Variants in KCNMA1 observed in about 807,000 individuals in gnomAD.
KCNMA1 encodes potassium calcium-activated channel subfamily M alpha 1.
A neutral mutation model predicts 140.0 loss-of-function variants in KCNMA1; 29 were observed. The observed-to-expected ratio is 0.21, with a 90% CI of 0.15 to 0.28. The LOEUF (loss-of-function observed/expected upper bound fraction) is 0.28. KCNMA1 is among the 10% of genes least tolerant of loss of function. The pLI, the probability that KCNMA1 is intolerant of heterozygous loss-of-function variation, is 1.00. For missense variants in KCNMA1, 880 were observed against 1,602.2 expected (o/e 0.55, Z 7.70); for synonymous variants, 612 against 611.9 (o/e 1.00, Z 0.00).
At chr10:77,417,742 G>A (rs994988669) in intron 1 of KCNMA1, among the ~76,000 whole-genome samples, 8 of 152,200 alleles carry the variant, frequency 5.3e-5, no homozygotes, top group Non-Finnish European at 7.3e-5. Context: ...TCTTCCATTT[G>A]CTGAACTTGG....
chr10:77,249,356 G>A (rs2059258474), intron 3 of KCNMA1: 1 of 152,092 alleles, frequency 6.6e-6, no homozygotes, highest in Admixed American at 6.6e-5. Flanking sequence ...TTCTCACACG[G>A]AAACAGAGAA....
chr10:77,352,854 C>T (rs2093058561), intron 2 of KCNMA1, among the ~76,000 whole-genome samples: 1 of 152,182 alleles, frequency 6.6e-6, no homozygotes, highest in Non-Finnish European at 1.5e-5. Flanking sequence ...AGAGAAGCAA[C>T]AAAAGTACAG....
intron 3 of KCNMA1, among the ~76,000 whole-genome samples, chr10:77,230,794 G>A (rs1411849523): frequency 6.6e-6 from 1 of 152,102 alleles, no homozygotes; most frequent in Non-Finnish European, 1.5e-5. Context: ...CCACTCCAGG[G>A]AAAATGGCTT....
chr10:76,956,465 T>C (rs916724413), intron 20 of KCNMA1, among the ~76,000 whole-genome samples: 53 of 152,268 alleles, frequency 3.5e-4, no homozygotes, highest in Middle Eastern at 6.8e-3. Context: ...CCCAAGAGAC[T>C]GACCTGAGGA....
In KCNMA1 at chr10:77,028,445, G is replaced by A. The variant is rs544394838; in HGVS notation, c.1860-554C>T. ...CTCACCTCATCTGCTTGGTGCTCTC[G>A]ACTGCAGAGCAGACTGCTTTGAGGC... On this transcript the variant is annotated intron_variant, in intron 15 of 27. Transcript: ENST00000286628. 2.6e-5 allele frequency among the ~76,000 whole-genome samples: 4 copies of A among 152,050 alleles called. No individual in the cohort carries two copies. In the East Asian group the frequency reaches 7.8e-4, roughly 30 times the overall value.
At chr10:77,346,073 G>A (rs905853464) in intron 2 of KCNMA1, among the ~76,000 whole-genome samples, 5 of 152,166 alleles carry the variant, frequency 3.3e-5, no homozygotes, top group African/African-American at 4.8e-5. Flanking sequence ...CATGGTAAAC[G>A]TTGCTTTAAT....
chr10:77,213,305 C>T (rs887655493), intron 3 of KCNMA1, among the ~76,000 whole-genome samples: 11 of 152,146 alleles, frequency 7.2e-5, no homozygotes, highest in African/African-American at 2.7e-4. Flanking sequence ...GCTTATCATC[C>T]TTATCCCCCT....
At chr10:77,306,371 A>G (rs2077727389) in intron 2 of KCNMA1, among the ~76,000 whole-genome samples, 1 of 152,226 alleles carries the variant, frequency 6.6e-6, no homozygotes, top group Non-Finnish European at 1.5e-5. Flanking sequence ...GGTAGGGGTG[A>G]TGCCCAAGAA....
At chr10:76,922,056 G>A (rs2056036090) in intron 23 of KCNMA1, among the ~76,000 whole-genome samples, 1 of 152,156 alleles carries the variant, frequency 6.6e-6, no homozygotes, top group Non-Finnish European at 1.5e-5. Flanking sequence ...GGGAAGCGGG[G>A]AAATGCCCCT....
chr10:76,889,378 A>C lies in KCNMA1; in HGVS notation c.3461+73T>G. The C allele has an allele frequency of 4.0e-6, 4 of 1,005,262 alleles. No individual in the cohort carries two copies. In the South Asian group the frequency reaches 5.1e-5, roughly 13 times the overall value. 62.3% of individuals were successfully genotyped at this position (1,005,262 alleles called of 1,614,324 possible). On this transcript the variant is annotated intron_variant, in intron 27 of 27. Coordinates refer to ENST00000286628, the MANE Select transcript of KCNMA1 (RefSeq NM_001161352.2). ...GAGATGTATACAGACCTTTGCCTTT[A>C]CAGTAGGGGACAGGAAAGGATATTA...
chr10:77,499,574 G>A (rs1419641059), intron 1 of KCNMA1, among the ~76,000 whole-genome samples: 4 of 152,010 alleles, frequency 2.6e-5, no homozygotes, highest in Non-Finnish European at 5.9e-5. Flanking sequence ...GCTGATATCT[G>A]ATGTCTCCTC....
chr10:77,215,878 GTCTCTCTCTCTCTCCTCTCTCCTCTCTCC>G (rs1204138885), intron 3 of KCNMA1, among the ~76,000 whole-genome samples: 1 of 146,112 alleles, frequency 6.8e-6, no homozygotes, highest in Middle Eastern at 3.4e-3. Flanking sequence ...CCCCCCACCT[GTCTCTCTCTCTCTCCTCTCTCCTCTCTCC>G]TCTCTCTCTC....
At chr10:77,035,615 A>G (rs1478940418) in intron 15 of KCNMA1, among the ~76,000 whole-genome samples, 1 of 152,230 alleles carries the variant, frequency 6.6e-6, no homozygotes, top group Non-Finnish European at 1.5e-5. Context: ...GCTTGGCACA[A>G]TGGTGCACAT....
chr10:76,892,420 C>A (rs1010546321), intron 25 of KCNMA1, among the ~76,000 whole-genome samples: 2 of 151,910 alleles, frequency 1.3e-5, no homozygotes, highest in Admixed American at 1.3e-4. Context: ...CTGTCAGGAA[C>A]AAAAGAATGG....
At chr10:77,046,638 T>C (rs1403773158) in intron 14 of KCNMA1, among the ~76,000 whole-genome samples, 3 of 152,218 alleles carry the variant, frequency 2.0e-5, no homozygotes, top group Non-Finnish European at 4.4e-5. Flanking sequence ...TCATGGGACT[T>C]GTCAGATTCT....
intron 5 of KCNMA1, among the ~76,000 whole-genome samples, chr10:77,148,805 G>C (rs1273533571): frequency 1.3e-5 from 2 of 152,210 alleles, no homozygotes; most frequent in African/African-American, 4.8e-5. Flanking sequence ...AAAAATAGGT[G>C]ATGGACCAGA....
chr10:77,264,143 A>G (rs1279763736), intron 2 of KCNMA1, among the ~76,000 whole-genome samples: 1 of 152,116 alleles, frequency 6.6e-6, no homozygotes, highest in Non-Finnish European at 1.5e-5. Flanking sequence ...TATTCGCGCA[A>G]GTTTCGAAAG....
intron 2 of KCNMA1, among the ~76,000 whole-genome samples, chr10:77,395,218 C>T (rs112226107): frequency 0.017 from 2,600 of 152,028 alleles, 34 homozygotes; most frequent in Middle Eastern, 0.024. Context: ...GTCATGGTGG[C>T]CTGCACCTGT....
intron 2 of KCNMA1, among the ~76,000 whole-genome samples, chr10:77,320,667 C>T (rs963583134): frequency 1.3e-5 from 2 of 152,166 alleles, no homozygotes; most frequent in Non-Finnish European, 2.9e-5. Context: ...TACCTGCCAG[C>T]ACCACCACAC....
Sources: gnomAD v4.1 joint callset for allele counts (sites outside exome capture counted in the v4.1 genomes callset) on GRCh38, gnomAD v4.1.1 for gene constraint, MANE v1.5 for transcripts, NCBI Gene and HGNC (gene_info 2026-07-23, HGNC 2026-07-21) for gene names.